The following KIF5C variants were observed in gnomAD, a reference collection of about 807,000 sequenced individuals.
KIF5C encodes kinesin family member 5C.
Under a neutral mutation model 125.2 loss-of-function variants are expected in KIF5C, and 18 were observed. The observed-to-expected ratio is 0.14, with a 90% CI of 0.10 to 0.21. KIF5C has a LOEUF of 0.21. KIF5C is among the 10% of genes least tolerant of loss of function. The pLI is 1.00. For missense variants in KIF5C, 780 were observed against 1,183.8 expected (o/e 0.66, Z 5.01); for synonymous variants, 405 against 434.0 (o/e 0.93, Z 0.83).
At chr2:149,008,992 T>G (rs187869922) in intron 23 of KIF5C, among the ~76,000 whole-genome samples, 5,229 of 112,612 alleles carry the variant, frequency 0.046, 171 homozygotes, top group African/African-American at 0.15. Flanking sequence ...TTTTTTAATG[T>G]TTTTTTTTTT....
intron 1 of KIF5C, among the ~76,000 whole-genome samples, chr2:148,916,069 G>A (rs1681537592): frequency 6.6e-6 from 1 of 152,222 alleles, no homozygotes; most frequent in Admixed American, 6.5e-5. Flanking sequence ...GTAGAGAGAT[G>A]CAGGAGCTGA....
intron 2 of KIF5C, among the ~76,000 whole-genome samples, 155 bp from the exon 3 acceptor site, chr2:148,929,126 G>T (rs1400305294): frequency 6.6e-6 from 1 of 152,118 alleles, no homozygotes; most frequent in East Asian, 1.9e-4. Flanking sequence ...TAGAACAACA[G>T]AATTTTCTAC....
intron 8 of KIF5C, among the ~76,000 whole-genome samples, chr2:148,949,176 A>G (rs1682596575): frequency 6.6e-6 from 1 of 152,194 alleles, no homozygotes; most frequent in African/African-American, 2.4e-5. Flanking sequence ...TCAAGATGAA[A>G]TTACCAGCAA....
intron 13 of KIF5C, among the ~76,000 whole-genome samples, chr2:148,981,001 C>T (rs1333400067): frequency 2.6e-5 from 4 of 152,066 alleles, no homozygotes; most frequent in Non-Finnish European, 2.9e-5. Context: ...TGAGCCACTG[C>T]GCCTGGCCCC....
At chr2:148,904,596 G>A (rs1049184840) in intron 1 of KIF5C, among the ~76,000 whole-genome samples, 1 of 152,186 alleles carries the variant, frequency 6.6e-6, no homozygotes, top group Non-Finnish European at 1.5e-5. Context: ...GTAGATCTGG[G>A]CTCCAGCTTG....
In KIF5C at chr2:148,875,496, C is replaced by G; in HGVS notation, c.-122C>G. ...GGGCTCGCGATGACCTGCTGAGAAG[C>G]GTCGTCGGAGGCTGCAGGAGGCGGC... On this transcript the variant is annotated 5_prime_UTR_variant, in exon 1 of 26. Transcript: ENST00000435030. The G allele has an allele frequency of 2.5e-6, 2 of 792,210 alleles. No homozygotes were observed. The highest frequency in any genetic ancestry group is 4.1e-6 in the Non-Finnish European group (2 of 486,516). The allele number at this position is 792,210 out of a possible 1,614,324, so 49.1% of individuals were successfully genotyped here. A position where few individuals can be genotyped will look rare whatever the true frequency, so the allele number is the denominator to read the frequency against.
At chr2:148,902,755 GCATTTCA>G (rs1270431048) in intron 1 of KIF5C, among the ~76,000 whole-genome samples, 9 of 152,334 alleles carry the variant, frequency 5.9e-5, no homozygotes, top group Admixed American at 4.6e-4. Context: ...CCTGCAAAGA[GCATTTCA>G]CATTGGTTAT....
At chr2:149,011,274 C>G (rs537485731) in intron 24 of KIF5C, among the ~76,000 whole-genome samples, 16 of 152,334 alleles carry the variant, frequency 1.1e-4, no homozygotes, top group Middle Eastern at 3.4e-3. Flanking sequence ...CATGGGGAAC[C>G]TACGATCCAT....
intron 2 of KIF5C, among the ~76,000 whole-genome samples, chr2:148,926,883 CG>C (rs1199925188): frequency 1.3e-5 from 2 of 152,048 alleles, no homozygotes; most frequent in Non-Finnish European, 2.9e-5. Flanking sequence ...TGAACTGTAA[CG>C]TGATTGTAAA....
At chr2:148,972,960 G>A (rs1176985637) in intron 11 of KIF5C, among the ~76,000 whole-genome samples, 1 of 152,150 alleles carries the variant, frequency 6.6e-6, no homozygotes, top group Non-Finnish European at 1.5e-5. Context: ...TGCCTTAGAG[G>A]TCTGTTTCCT....
intron 11 of KIF5C, among the ~76,000 whole-genome samples, chr2:148,968,899 G>A (rs1479674965): frequency 1.3e-5 from 2 of 151,968 alleles, no homozygotes; most frequent in Non-Finnish European, 2.9e-5. Flanking sequence ...CTGCCACTGG[G>A]CCTATTTAAT....
At position 148,981,378 on chromosome 2, in the gene KIF5C, C is replaced by A; in HGVS notation, c.1386C>A (p.Asp462Glu). Residue 462 changes from aspartate to glutamate, a missense_variant, in exon 14 of 26, where the codon GAC (aspartate) becomes GAA (glutamate). This residue lies in a region of KIF5C where 573 missense variants were observed against 742.6 expected (regional missense o/e 0.77). Coordinates refer to ENST00000435030, the MANE Select transcript of KIF5C (RefSeq NM_004522.3). ...QDELLASTRRDYEKIQEELTR... is the reference protein window; with the variant it reads ...QDELLASTRREYEKIQEELTR... Reference sequence around the variant, plus strand: ...AGCTTTTAGCTTCCACAAGAAGAGACTATGAGAAGATACAGGAGGAGCTGA... The same window carrying A: ...AGCTTTTAGCTTCCACAAGAAGAGAATATGAGAAGATACAGGAGGAGCTGA... 1 of 1,611,060 alleles carries A rather than the reference C, an allele frequency of 6.2e-7. No individual in the cohort carries two copies. The highest frequency in any genetic ancestry group is 1.1e-5 in the South Asian group (1 of 90,014).
intron 11 of KIF5C, among the ~76,000 whole-genome samples, chr2:148,963,872 G>C (rs756488265): frequency 3.9e-4 from 59 of 151,982 alleles, no homozygotes; most frequent in Non-Finnish European, 6.5e-4. Context: ...CCATCCTCTG[G>C]GATCTGCCCA....
intron 25 of KIF5C, among the ~76,000 whole-genome samples, chr2:149,014,045 A>T (rs1682288918): frequency 6.6e-6 from 1 of 152,116 alleles, no homozygotes; most frequent in South Asian, 2.1e-4. Flanking sequence ...TCTTTTCGAG[A>T]TGGAGTTTCA....
chr2:148,958,069 G>A (rs1177213468), intron 10 of KIF5C, among the ~76,000 whole-genome samples: 1 of 152,076 alleles, frequency 6.6e-6, no homozygotes, highest in Admixed American at 6.5e-5. Context: ...GTATTCTATT[G>A]TATGAATATG....
In KIF5C at chr2:148,998,573, T is replaced by C. The variant is rs6735691; in HGVS notation, c.2210+64T>C. On this transcript the variant is annotated intron_variant, in intron 19 of 25. Transcript: ENST00000435030. Reference sequence around the variant, plus strand: ...ATGCCTCGGTCCTCTTGGGGAAGCCTGGAAGGATGTGGCTCTTAGTCGAGG... The same window carrying C: ...ATGCCTCGGTCCTCTTGGGGAAGCCCGGAAGGATGTGGCTCTTAGTCGAGG... 16,237 of 1,545,300 alleles carry C rather than the reference T, an allele frequency of 0.011. 846 individuals carry two copies. The African/African-American group carries it at 0.14, about 14-fold the overall frequency.
chr2:148,941,460 T>C, intron 4 of KIF5C, 150 bp from the exon 5 acceptor site: 3 of 1,072,778 alleles, frequency 2.8e-6, no homozygotes, highest in Non-Finnish European at 2.7e-6. Context: ...GGAATCCCAG[T>C]AGAGCTGGCC....
intron 10 of KIF5C, among the ~76,000 whole-genome samples, chr2:148,954,790 T>C (rs1682753337): frequency 6.6e-6 from 1 of 152,208 alleles, no homozygotes; most frequent in African/African-American, 2.4e-5. Flanking sequence ...GCCTGAATAG[T>C]GTGCATATGA....
intron 14 of KIF5C, among the ~76,000 whole-genome samples, chr2:148,982,817 G>C (rs1246133408): frequency 6.6e-6 from 1 of 152,148 alleles, no homozygotes. Flanking sequence ...TGAAACCAAA[G>C]TATTACTAGA....
Sources: gnomAD v4.1 joint callset for allele counts (sites outside exome capture counted in the v4.1 genomes callset) on GRCh38, gnomAD v4.1.1 for gene constraint, gnomAD v4.1.1 regional missense constraint, MANE v1.5 for transcripts, NCBI Gene and HGNC (gene_info 2026-07-23, HGNC 2026-07-21) for gene names.